Variants in PTPRD observed in about 807,000 individuals in gnomAD.
The protein encoded by PTPRD is receptor-type tyrosine-protein phosphatase delta.
PTPRD carries 34 observed loss-of-function variants against 214.5 expected under a neutral mutation model. The ratio of observed to expected loss-of-function variants is 0.16; its 90% CI spans 0.12 to 0.21. The LOEUF (loss-of-function observed/expected upper bound fraction) is 0.21. PTPRD is among the 10% of genes least tolerant of loss of function. The pLI is 1.00. For synonymous variants in PTPRD, 1,128 were observed against 845.7 expected, an observed-to-expected ratio of 1.33 and a Z score of -5.79; for missense variants, 2,545 against 2,398.7, an observed-to-expected ratio of 1.06 and a Z score of -1.27.
intron 12 of PTPRD, among the ~76,000 whole-genome samples, chr9:8,723,896 T>G (rs753862868): frequency 1.3e-5 from 2 of 152,248 alleles, no homozygotes; most frequent in Non-Finnish European, 2.9e-5. Context: ...ACGATTTAAG[T>G]ACTTAGTGTA....
At chr9:8,762,167 T>C (rs2094452855) in intron 11 of PTPRD, among the ~76,000 whole-genome samples, 1 of 152,174 alleles carries the variant, frequency 6.6e-6, no homozygotes, top group Non-Finnish European at 1.5e-5. Flanking sequence ...AAATTAAATA[T>C]ATTAGTATAA....
intron 11 of PTPRD, among the ~76,000 whole-genome samples, chr9:9,009,956 C>T (rs771424098): frequency 6.6e-6 from 1 of 152,010 alleles, no homozygotes; most frequent in South Asian, 2.1e-4. Context: ...TTTTTTGCTC[C>T]GTACAGTTCT....
At chr9:8,790,964 G>A (rs900775435) in intron 11 of PTPRD, among the ~76,000 whole-genome samples, 3 of 152,118 alleles carry the variant, frequency 2.0e-5, no homozygotes, top group South Asian at 2.1e-4. Flanking sequence ...GATACAGAAC[G>A]CTTTTGTTAT....
intron 10 of PTPRD, among the ~76,000 whole-genome samples, chr9:9,053,392 T>C (rs955409445): frequency 6.6e-6 from 1 of 152,008 alleles, no homozygotes; most frequent in Non-Finnish European, 1.5e-5. Flanking sequence ...CCAATGATGA[T>C]GATGATGATG....
chr9:10,525,309 T>A (rs895543798), intron 2 of PTPRD, among the ~76,000 whole-genome samples: 1 of 152,068 alleles, frequency 6.6e-6, no homozygotes, highest in South Asian at 2.1e-4. Context: ...AAAGTCTCCC[T>A]ATATAATGGT....
intron 8 of PTPRD, among the ~76,000 whole-genome samples, chr9:9,554,397 T>C (rs1270290337): frequency 7.4e-6 from 1 of 135,566 alleles, no homozygotes; most frequent in East Asian, 2.0e-4. Context: ...TGACAAATGG[T>C]CCTGTTTTAT....
intron 2 of PTPRD, among the ~76,000 whole-genome samples, chr9:10,429,569 C>A (rs1455238015): frequency 2.0e-5 from 3 of 151,732 alleles, no homozygotes; most frequent in African/African-American, 7.3e-5. Context: ...GTGAAACAAG[C>A]CAGGCCCAGA....
intron 2 of PTPRD, among the ~76,000 whole-genome samples, chr9:10,407,350 A>G (rs929862968): frequency 1.6e-4 from 24 of 151,568 alleles, no homozygotes; most frequent in African/African-American, 5.6e-4. Context: ...AGATGTGAAT[A>G]TCTTTGCGAG....
Position 9,937,947 on chromosome 9 carries a change from G to A in PTPRD, c.-368+560C>T, listed in dbSNP as rs1479777963. ...ATTTCTGAAGGTACAGACTCAGAGT[G>A]GATCATAACTGGAATTGGAGGCAGA... On this transcript the variant is annotated intron_variant, in intron 5 of 45. Coordinates refer to ENST00000381196, the MANE Select transcript of PTPRD (RefSeq NM_002839.4). Among the ~76,000 whole-genome samples, 6 of 152,280 alleles carry A rather than the reference G, an allele frequency of 3.9e-5. No individual in the cohort carries two copies. In the East Asian group the frequency reaches 1.2e-3, roughly 29 times the overall value.
At chr9:10,457,433 G>A (rs2098926752) in intron 2 of PTPRD, among the ~76,000 whole-genome samples, 1 of 151,820 alleles carries the variant, frequency 6.6e-6, no homozygotes, top group South Asian at 2.1e-4. Flanking sequence ...TAAAGTCTTG[G>A]TTATTTCTGA....
chr9:8,513,436 C>G (rs571896201), intron 21 of PTPRD, among the ~76,000 whole-genome samples: 1 of 151,926 alleles, frequency 6.6e-6, no homozygotes, highest in African/African-American at 2.4e-5. Context: ...CTTTTGGAAT[C>G]CGGTTTCAAA....
intron 3 of PTPRD, among the ~76,000 whole-genome samples, chr9:10,192,722 GA>G (rs2099373499): frequency 6.6e-6 from 1 of 152,110 alleles, no homozygotes. Flanking sequence ...CACATGCTTG[GA>G]AAGGAATAGC....
intron 5 of PTPRD, among the ~76,000 whole-genome samples, chr9:9,926,779 G>C (rs548341519): frequency 3.5e-4 from 53 of 152,216 alleles, no homozygotes; most frequent in Non-Finnish European, 5.7e-4. Flanking sequence ...CAAAGGTATA[G>C]TTTACCCATG....
At chr9:8,646,183 A>C (rs16928238) in intron 12 of PTPRD, among the ~76,000 whole-genome samples, 39,079 of 152,076 alleles carry the variant, frequency 0.26, 5,102 homozygotes, top group Middle Eastern at 0.33. Context: ...ACCAGGATTG[A>C]GAATTACTGA....
rs186880269 is a variant in PTPRD, at chr9:8,891,701, T to G, written c.-104+126996A>C. Among the ~76,000 whole-genome samples the G allele has an allele frequency of 3.3e-5, 5 of 152,178 alleles. No individual in the cohort carries two copies. In the East Asian group the frequency reaches 9.7e-4, roughly 30 times the overall value. ...ACTCATACACCTGACATGGCAAAATTGGGCCAAGTAGTATGTTAATGGTGC... is the reference window on the plus strand; with the variant it reads ...ACTCATACACCTGACATGGCAAAATGGGGCCAAGTAGTATGTTAATGGTGC... On this transcript the variant is annotated intron_variant, in intron 11 of 45. Coordinates refer to ENST00000381196, the MANE Select transcript of PTPRD (RefSeq NM_002839.4).
chr9:10,457,285 TG>T (rs1239178952), intron 2 of PTPRD, among the ~76,000 whole-genome samples: 1 of 151,992 alleles, frequency 6.6e-6, no homozygotes, highest in East Asian at 1.9e-4. Context: ...ATCGGGATAT[TG>T]AAAGTTTCCT....
intron 11 of PTPRD, among the ~76,000 whole-genome samples, chr9:8,776,583 C>A (rs2095486278): frequency 6.6e-6 from 1 of 151,956 alleles, no homozygotes; most frequent in Non-Finnish European, 1.5e-5. Context: ...TAAGCCACTG[C>A]ACCCAGCCTA....
At chr9:10,144,483 A>C (rs1229516955) in intron 3 of PTPRD, among the ~76,000 whole-genome samples, 1 of 152,126 alleles carries the variant, frequency 6.6e-6, no homozygotes, top group Non-Finnish European at 1.5e-5. Flanking sequence ...AGGTAGGATG[A>C]ATATAAAAGG....
chr9:9,816,323 T>C (rs563470704), intron 5 of PTPRD, among the ~76,000 whole-genome samples: 42 of 152,150 alleles, frequency 2.8e-4, no homozygotes, highest in African/African-American at 9.6e-4. Context: ...CTATAATGTA[T>C]ATTGCCACAT....
Sources: gnomAD v4.1 joint callset for allele counts (sites outside exome capture counted in the v4.1 genomes callset) on GRCh38, gnomAD v4.1.1 for gene constraint, MANE v1.5 for transcripts, NCBI Gene and HGNC (gene_info 2026-07-23, HGNC 2026-07-21) for gene names.